Variants in WDR37 observed in about 807,000 individuals in gnomAD.
The protein encoded by WDR37 is WD repeat domain 37.
A neutral mutation model predicts 62.9 loss-of-function variants in WDR37; 19 were observed. The observed-to-expected ratio is 0.30, with a 90% CI of 0.21 to 0.44. WDR37 has a LOEUF of 0.44. Ranked by LOEUF, WDR37 falls within the 20% of genes least tolerant of loss-of-function variation. The pLI, the probability that WDR37 is intolerant of heterozygous loss-of-function variation, is 1.00. For missense variants in WDR37, 474 were observed against 657.6 expected (o/e 0.72, Z 3.05); for synonymous variants, 250 against 260.9 (o/e 0.96, Z 0.40).
At chr10:1,118,343 C>T (rs113428829) in intron 11 of WDR37, among the ~76,000 whole-genome samples, 2 of 116,976 alleles carry the variant, frequency 1.7e-5, no homozygotes, top group African/African-American at 3.3e-5. Flanking sequence ...CTCAGCCAGC[C>T]CTACTTGAAG....
chr10:1,091,659 T>A (rs1834392320), intron 7 of WDR37, among the ~76,000 whole-genome samples: 1 of 152,212 alleles, frequency 6.6e-6, no homozygotes, highest in African/African-American at 2.4e-5. Flanking sequence ...TGGTGCTGAC[T>A]GATGGTAGCT....
chr10:1,059,141 C>T lies in WDR37; in HGVS notation c.-41+2173C>T, dbSNP rs547202762. ...CTGTAATCCCAGCACTTTGGGAAGC[C>T]GAGGTGGGCAGATCACCTGAGGTCA... On this transcript the variant is annotated intron_variant, in intron 1 of 13. Transcript: ENST00000263150. Among the ~76,000 whole-genome samples the T allele has an allele frequency of 1.4e-4, 21 of 147,470 alleles. No homozygotes were observed. The South Asian group carries it at 4.1e-3, about 29-fold the overall frequency.
chr10:1,126,323 G>C (rs902027229), intron 13 of WDR37, among the ~76,000 whole-genome samples: 14 of 143,800 alleles, frequency 9.7e-5, no homozygotes, highest in Admixed American at 2.7e-4. Flanking sequence ...GGAGAATGGC[G>C]TGAACCCAGG....
chr10:1,104,762 T>C (rs1035344579), intron 10 of WDR37, among the ~76,000 whole-genome samples: 3 of 152,172 alleles, frequency 2.0e-5, no homozygotes, highest in African/African-American at 7.2e-5. Flanking sequence ...GCATGAGCGT[T>C]AAAGATTGTA....
At chr10:1,095,597 G>C (rs1564505275) in intron 8 of WDR37, among the ~76,000 whole-genome samples, 1 of 152,198 alleles carries the variant, frequency 6.6e-6, no homozygotes, top group African/African-American at 2.4e-5. Flanking sequence ...GTGGGTGAGA[G>C]GTGGCCATGC....
intron 7 of WDR37, among the ~76,000 whole-genome samples, chr10:1,089,219 G>A (rs1040816014): frequency 1.4e-4 from 22 of 151,908 alleles, no homozygotes; most frequent in Admixed American, 7.9e-4. Context: ...TGGGGGAGGC[G>A]AGCAGCTGGC....
At chr10:1,085,688 C>T (rs1834177839) in intron 6 of WDR37, among the ~76,000 whole-genome samples, 3 of 152,090 alleles carry the variant, frequency 2.0e-5, no homozygotes, top group African/African-American at 7.2e-5. Context: ...TCTTGCTTCT[C>T]CTTTGAAACT....
rs540549504 is a variant in WDR37, at chr10:1,126,715, G to A, written c.1353+1691G>A. On this transcript the variant is annotated intron_variant, in intron 13 of 13. Transcript: ENST00000263150. ...GAGCCTCAGAACCTGCAGGCAGGCC[G>A]GGTGGTCAGGGAGGCACGTGCGAAA... 3.9e-5 allele frequency among the ~76,000 whole-genome samples: 6 copies of A among 152,282 alleles called. No homozygotes were observed. In the South Asian group the frequency reaches 6.2e-4, roughly 16 times the overall value.
At chr10:1,102,927 C>T (rs972965169) in intron 9 of WDR37, among the ~76,000 whole-genome samples, 4 of 152,092 alleles carry the variant, frequency 2.6e-5, no homozygotes, top group African/African-American at 7.2e-5. Flanking sequence ...CTAGATTGAG[C>T]GTAGTTTTGC....
intron 9 of WDR37, among the ~76,000 whole-genome samples, chr10:1,102,268 C>T (rs893507180): frequency 6.5e-5 from 7 of 108,524 alleles, no homozygotes; most frequent in Non-Finnish European, 9.5e-5. Context: ...CTGTGACGTG[C>T]GTTCCCGTGC....
chr10:1,066,365 C>T (rs1833548827), intron 1 of WDR37, among the ~76,000 whole-genome samples: 2 of 152,200 alleles, frequency 1.3e-5, no homozygotes, highest in African/African-American at 2.4e-5. Context: ...ATCCGTCCAC[C>T]TTGACCTCCC....
At chr10:1,126,227 A>C (rs528307510) in intron 13 of WDR37, among the ~76,000 whole-genome samples, 1 of 152,024 alleles carries the variant, frequency 6.6e-6, no homozygotes, top group South Asian at 2.1e-4. Flanking sequence ...AACACGGTGA[A>C]ACCCTGTCTC....
chr10:1,066,946 C>T (rs372178310), intron 1 of WDR37, among the ~76,000 whole-genome samples: 8 of 152,300 alleles, frequency 5.3e-5, no homozygotes, highest in African/African-American at 1.4e-4. Flanking sequence ...GTGAGACTTA[C>T]TATCACGAGA....
chr10:1,117,408 G>A (rs944077778), intron 11 of WDR37, among the ~76,000 whole-genome samples: 6 of 152,164 alleles, frequency 3.9e-5, no homozygotes, highest in African/African-American at 1.4e-4. Context: ...TTTTAAAAGT[G>A]AGAGGAGATT....
In WDR37 at chr10:1,056,803, C is replaced by G. The variant is rs1177005778; in HGVS notation, c.-206C>G. The G allele has an allele frequency of 6.6e-6, 1 of 152,202 alleles. No individual in the cohort carries two copies. Among genetic ancestry groups the G allele is most frequent in the Non-Finnish European group, 1.5e-5 (1 of 68,090 alleles). 9.4% of individuals were successfully genotyped at this position (152,202 alleles called of 1,614,324 possible). A position where few individuals can be genotyped will look rare whatever the true frequency, so the allele number is the denominator to read the frequency against. On this transcript the variant is annotated 5_prime_UTR_variant, in exon 1 of 14. Coordinates refer to ENST00000263150, the MANE Select transcript of WDR37 (RefSeq NM_014023.4). ...GACTGGGGCGGGACTTCCGGCGACA[C>G]CGGAAGTGCATTAGCGCCAGGTTGG... is the stretch of plus-strand genomic sequence containing the variant.
chr10:1,120,274 T>G (rs1835535579), intron 11 of WDR37, among the ~76,000 whole-genome samples: 2 of 152,182 alleles, frequency 1.3e-5, no homozygotes, highest in South Asian at 4.1e-4. Context: ...AGGAGTTGGA[T>G]TTCATGCAGA....
chr10:1,126,071 C>T (rs1332757875), intron 13 of WDR37, among the ~76,000 whole-genome samples: 4 of 152,288 alleles, frequency 2.6e-5, no homozygotes, highest in Non-Finnish European at 1.5e-5. Context: ...GTTGGCTCTC[C>T]CCTGGGAGGT....
chr10:1,111,893 TTCTC>T (rs200224259), intron 11 of WDR37, among the ~76,000 whole-genome samples: 10 of 148,420 alleles, frequency 6.7e-5, no homozygotes, highest in Non-Finnish European at 1.2e-4. Context: ...TGGTGGCTAT[TTCTC>T]TCTCTCTCTT....
chr10:1,068,111 A>G (rs994801691), intron 1 of WDR37, among the ~76,000 whole-genome samples: 8 of 152,164 alleles, frequency 5.3e-5, no homozygotes, highest in Admixed American at 1.3e-4. Flanking sequence ...AAGAGAGTTA[A>G]AAGGTACAAA....
Sources: allele counts gnomAD v4.1 joint callset (sites outside exome capture counted in the v4.1 genomes callset), GRCh38; gene constraint gnomAD v4.1.1; transcripts MANE v1.5; gene names NCBI Gene and HGNC (gene_info 2026-07-23, HGNC 2026-07-21).